Variants in NFASC observed in about 807,000 individuals in gnomAD.
NFASC encodes neurofascin, also known as neurofascin homolog.
A neutral mutation model predicts 147.5 loss-of-function variants in NFASC; 43 were observed. The ratio of observed to expected loss-of-function variants is 0.29; its 90% CI spans 0.23 to 0.38. The LOEUF is 0.38. Among genes scored for constraint, NFASC ranks in the 10% least tolerant of loss-of-function variants. The probability of loss-of-function intolerance (pLI) is 1.00; values close to 1 mark genes in which losing one functional copy is unlikely to be tolerated. For missense variants in NFASC, 1,320 were observed against 1,689.0 expected, an observed-to-expected ratio of 0.78 and a Z score of 3.83; for synonymous variants, 622 against 665.5, an observed-to-expected ratio of 0.93 and a Z score of 1.01.
chr1:204,982,393 A>G (rs2095525782), intron 21 of NFASC, among the ~76,000 whole-genome samples: 2 of 152,210 alleles, frequency 1.3e-5, no homozygotes, highest in South Asian at 4.1e-4. Flanking sequence ...TACTAGTACC[A>G]AGAAAAAACA....
chr1:204,898,332 A>G (rs1195271404), intron 1 of NFASC, among the ~76,000 whole-genome samples: 1 of 152,254 alleles, frequency 6.6e-6, no homozygotes, highest in African/African-American at 2.4e-5. Flanking sequence ...CAAATTTAGT[A>G]TAAAATAATA....
intron 8 of NFASC, chr1:204,962,035 T>C (rs2094698704): frequency 3.3e-6 from 4 of 1,211,276 alleles, no homozygotes. Flanking sequence ...TTGCATTTGT[T>C]TTCTCTCCCC....
intron 27 of NFASC, among the ~76,000 whole-genome samples, chr1:205,006,593 G>GAGTA (rs2096117251): frequency 6.6e-6 from 1 of 152,200 alleles, no homozygotes; most frequent in Non-Finnish European, 1.5e-5. Flanking sequence ...ACACAGTGGA[G>GAGTA]AGTAATGAAA....
In NFASC at chr1:204,954,039, C is replaced by T. The variant is rs1423401788; in HGVS notation, c.216-149C>T. On this transcript the variant is annotated intron_variant, in intron 5 of 29. Transcript: ENST00000339876. The surrounding 1 kb of genome is among the most constrained non-coding windows in gnomAD (Gnocchi z 5.7). ...CTCTCCAGATGGTTCTTCTGCTCAG[C>T]CAGGCTGAGACCTGTTGGTATGGGG... 1.5e-6 allele frequency: 1 copy of T among 669,384 alleles called. No homozygotes were observed. Among genetic ancestry groups the T allele is most frequent in the East Asian group, 2.7e-5 (1 of 36,488 alleles). The allele number at this position is 669,384 out of a possible 1,614,324, so 41.5% of individuals were successfully genotyped here. A position where few individuals can be genotyped will look rare whatever the true frequency, so the allele number is the denominator to read the frequency against.
In NFASC at chr1:204,986,140, G is replaced by A. The variant is rs750922628; in HGVS notation, c.2471-1278G>A. The A allele has an allele frequency of 2.6e-6, 4 of 1,560,886 alleles. No homozygotes were observed. The highest frequency in any genetic ancestry group is 1.7e-5 in the Admixed American group (1 of 59,896). On this transcript the variant is annotated intron_variant, in intron 21 of 29. Transcript: ENST00000339876. This position sits in a 1 kb window ranked among gnomAD's most constrained non-coding sequence, Gnocchi z 4.2. ...GTAGGTCTGGCCTGCAGCTCTTCAG[G>A]GTGGGGCAGGAGAAGGGTGGCACAC...
chr1:204,952,699 C>T (rs61817573), intron 5 of NFASC, among the ~76,000 whole-genome samples: 5,653 of 152,304 alleles, frequency 0.037, 279 homozygotes, highest in African/African-American at 0.11. Context: ...CAGATTTAAA[C>T]TCATGCATTT....
At chr1:204,836,983 C>G (rs927366300) in intron 1 of NFASC, among the ~76,000 whole-genome samples, 1 of 152,330 alleles carries the variant, frequency 6.6e-6, no homozygotes, top group Non-Finnish European at 1.5e-5. Context: ...AACCTAAACT[C>G]AAAAATGTTA....
rs2095390355 is a variant in NFASC at position 204,975,867 on chromosome 1, G to A, written c.1706+449G>A. ...CAGCTCTCAGCCCTGACTGAACCTG[G>A]CATGCTTTTACCACACCCACGCCTG... On this transcript the variant is annotated intron_variant, in intron 15 of 29. Transcript: ENST00000339876. This position sits in a 1 kb window ranked among gnomAD's most constrained non-coding sequence, Gnocchi z 4.0. 6.6e-6 allele frequency among the ~76,000 whole-genome samples: 1 copy of A among 152,124 alleles called. No homozygotes were observed. The highest frequency in any genetic ancestry group is 6.5e-5 in the Admixed American group (1 of 15,278).
At position 204,849,648 on chromosome 1, in the gene NFASC, T is replaced by C. The variant is rs564551743; in HGVS notation, c.-200+20866T>C. 7.2e-5 allele frequency among the ~76,000 whole-genome samples: 11 copies of C among 152,278 alleles called. No individual in the cohort carries two copies. The East Asian group carries it at 2.1e-3, about 29-fold the overall frequency. On this transcript the variant is annotated intron_variant, in intron 1 of 29. Coordinates refer to ENST00000339876, the MANE Select transcript of NFASC (RefSeq NM_001005388.3). ...CAGTAGGAAGCTTAATACTGTTTGG[T>C]TTCAGAGCTAGAACCAAACCCAGGT...
In NFASC at chr1:205,021,988, T is replaced by C. The variant is rs946409729; in HGVS notation, c.*5449T>C. ...GCTGTATTCCTCAGAAGTGAGGGCATCTCGGTCCATTCTGCCCATGGCCAC... is the reference window on the plus strand; with the variant it reads ...GCTGTATTCCTCAGAAGTGAGGGCACCTCGGTCCATTCTGCCCATGGCCAC... On this transcript the variant is annotated 3_prime_UTR_variant, in exon 30 of 30. Transcript: ENST00000339876. The C allele has an allele frequency of 6.6e-6, 1 of 152,642 alleles. No individual in the cohort carries two copies. Among genetic ancestry groups the C allele is most frequent in the Non-Finnish European group, 1.5e-5 (1 of 68,050 alleles). The allele number at this position is 152,642 out of a possible 1,614,324, so 9.5% of individuals were successfully genotyped here. A position where few individuals can be genotyped will look rare whatever the true frequency, so the allele number is the denominator to read the frequency against.
intron 2 of NFASC, among the ~76,000 whole-genome samples, chr1:204,934,227 G>A (rs1313480828): frequency 6.6e-6 from 1 of 152,004 alleles, no homozygotes; most frequent in African/African-American, 2.4e-5. Context: ...GAAGTTCTGG[G>A]GAGAGCAGCA....
chr1:204,893,708 A>C (rs1017771137), intron 1 of NFASC, among the ~76,000 whole-genome samples: 1 of 152,238 alleles, frequency 6.6e-6, no homozygotes. Flanking sequence ...GTATTGCGCT[A>C]ACTCAAGCTC....
At chr1:204,999,212 G>A (rs887564827) in intron 25 of NFASC, 4 of 151,668 alleles carry the variant, frequency 2.6e-5, no homozygotes, top group Non-Finnish European at 4.4e-5. Context: ...TGTGTTTCTC[G>A]GTGTTGATAT....
intron 2 of NFASC, among the ~76,000 whole-genome samples, chr1:204,942,931 T>C (rs2093459208): frequency 6.6e-6 from 1 of 152,170 alleles, no homozygotes; most frequent in African/African-American, 2.4e-5. Flanking sequence ...TTGCTCCAGG[T>C]CTCCAGAAGG....
At chr1:204,948,609 C>T (rs1558210662) in intron 3 of NFASC, 1 of 519,046 alleles carries the variant, frequency 1.9e-6, no homozygotes, top group Admixed American at 1.9e-5. Flanking sequence ...ACAAAAAACT[C>T]TGGACCAGGC....
At chr1:204,910,398 T>G (rs939859604) in intron 1 of NFASC, among the ~76,000 whole-genome samples, 1 of 152,208 alleles carries the variant, frequency 6.6e-6, no homozygotes, top group East Asian at 1.9e-4. Flanking sequence ...AATTTTCATG[T>G]TTGTCTTGTA....
At position 204,979,531 on chromosome 1, in the gene NFASC, A is replaced by T. The variant is rs6667532; in HGVS notation, c.2148A>T (p.Pro716=). Residue 716 remains proline, a synonymous_variant, in exon 19 of 30, where the codon CCA becomes CCT. Transcript: ENST00000339876. The surrounding 1 kb of genome is among the most constrained non-coding windows in gnomAD (Gnocchi z 6.0). ...NEVGSSHPSL[P]SERYRTSGAP... is the part of the protein sequence containing the mutation. ...TTGGGAGCAGCCACCCCAGCCTCCC[A>T]TCCGAGCGCTACCGAACCAGTGGAG... is the stretch of plus-strand genomic sequence containing the variant. The T allele has an allele frequency of 6.2e-7, 1 of 1,613,658 alleles. No individual in the cohort carries two copies. Among genetic ancestry groups the T allele is most frequent in the Non-Finnish European group, 8.5e-7 (1 of 1,180,006 alleles).
At chr1:204,862,136 C>T (rs1227830643) in intron 1 of NFASC, among the ~76,000 whole-genome samples, 2 of 152,170 alleles carry the variant, frequency 1.3e-5, no homozygotes, top group African/African-American at 4.8e-5. Context: ...AGAGTTCTTG[C>T]CTTGATAATC....
intron 1 of NFASC, among the ~76,000 whole-genome samples, chr1:204,859,809 C>G (rs1179213565): frequency 6.6e-6 from 1 of 152,148 alleles, no homozygotes; most frequent in Non-Finnish European, 1.5e-5. Flanking sequence ...TGCTAAGGGT[C>G]TTGTCTTTTC....
Sources: allele counts gnomAD v4.1 joint callset (sites outside exome capture counted in the v4.1 genomes callset), GRCh38; gene constraint gnomAD v4.1.1; non-coding constraint Gnocchi (gnomAD v3.1); transcripts MANE v1.5; gene names NCBI Gene and HGNC (gene_info 2026-07-23, HGNC 2026-07-21).